The following SPNS2 variants were observed in gnomAD, a reference collection of about 807,000 sequenced individuals.
SPNS2 encodes the protein sphingosine-1-phosphate transporter SPNS2.
SPNS2 carries 37 observed loss-of-function variants against 57.6 expected under a neutral mutation model. The ratio of observed to expected loss-of-function variants is 0.64; its 90% CI spans 0.49 to 0.85. The LOEUF (loss-of-function observed/expected upper bound fraction) is 0.85, where lower values mean the gene tolerates loss of function less well. SPNS2 is among the 40% of genes least tolerant of loss of function. The pLI, the probability that SPNS2 is intolerant of heterozygous loss-of-function variation, is 0.00. For synonymous variants in SPNS2, 440 were observed against 346.9 expected (o/e 1.27, Z -2.98); for missense variants, 831 against 779.1 (o/e 1.07, Z -0.79).
In SPNS2 at chr17:4,538,751, G is replaced by C. The variant is rs946694115; in HGVS notation, c.*1303G>C. 2 of 713,760 alleles carry C rather than the reference G, an allele frequency of 2.8e-6. No individual in the cohort carries two copies. The highest frequency in any genetic ancestry group is 3.6e-5 in the African/African-American group (2 of 55,980). The allele number at this position is 713,760 out of a possible 1,614,324, so 44.2% of individuals were successfully genotyped here. A position where few individuals can be genotyped will look rare whatever the true frequency, so the allele number is the denominator to read the frequency against. Reference sequence around the variant, plus strand: ...GGCTTCAGTGGTGTGTAAGCAGGTGGAATACTCACCCACCAAGCTCTGGGG... The same window carrying C: ...GGCTTCAGTGGTGTGTAAGCAGGTGCAATACTCACCCACCAAGCTCTGGGG... On this transcript the variant is annotated 3_prime_UTR_variant, in exon 13 of 13. Coordinates refer to ENST00000329078, the MANE Select transcript of SPNS2 (RefSeq NM_001124758.3).
chr17:4,506,341 T>C (rs1483243043), intron 1 of SPNS2, among the ~76,000 whole-genome samples: 9 of 152,182 alleles, frequency 5.9e-5, no homozygotes, highest in African/African-American at 2.2e-4. Flanking sequence ...GGCCCCTGCC[T>C]TATCCTGTGT....
intron 2 of SPNS2, among the ~76,000 whole-genome samples, chr17:4,513,991 A>G (rs886713461): frequency 1.3e-5 from 2 of 152,320 alleles, no homozygotes; most frequent in Non-Finnish European, 1.5e-5. Context: ...CACTTATGGC[A>G]GCCCACCAGC....
chr17:4,504,250 C>T (rs1904612427), intron 1 of SPNS2, among the ~76,000 whole-genome samples: 1 of 152,226 alleles, frequency 6.6e-6, no homozygotes, highest in Non-Finnish European at 1.5e-5. Context: ...GGCAGGGCAT[C>T]CAGAGTGTCT....
At chr17:4,505,391 A>G (rs945159424) in intron 1 of SPNS2, among the ~76,000 whole-genome samples, 5 of 152,134 alleles carry the variant, frequency 3.3e-5, no homozygotes, top group African/African-American at 1.2e-4. Flanking sequence ...TTTCTCCGAC[A>G]GTGGCTGGTG....
In SPNS2 at chr17:4,538,621, TGGTGCGGG is replaced by T. The variant is rs1316476761; in HGVS notation, c.*1178_*1185del. On this transcript the variant is annotated 3_prime_UTR_variant, in exon 13 of 13. Coordinates refer to ENST00000329078, the MANE Select transcript of SPNS2 (RefSeq NM_001124758.3). ...ACTTCTGCTGCAATCAAGGTGGTTC[TGGTGCGGG>T]GGTGGGGTGGGGGGTGAGGCCTTGT... The T allele has an allele frequency of 6.4e-6, 3 of 471,690 alleles. No homozygotes were observed. Among genetic ancestry groups the T allele is most frequent in the East Asian group, 4.1e-5 (1 of 24,218 alleles). 29.2% of individuals were successfully genotyped at this position (471,690 alleles called of 1,614,324 possible). A position where few individuals can be genotyped will look rare whatever the true frequency, so the allele number is the denominator to read the frequency against.
Position 4,499,492 on chromosome 17 carries a change from C to A in SPNS2, c.370+75C>A. On this transcript the variant is annotated intron_variant, in intron 1 of 12. Transcript: ENST00000329078. The surrounding 1 kb of genome is among the most constrained non-coding windows in gnomAD (Gnocchi z 5.2). Reference sequence around the variant, plus strand: ...ACCACCCGCCTCGAGGGAGGTACCCCAGAGAGCTTTTGGTCTCAGGCCTGC... The same window carrying A: ...ACCACCCGCCTCGAGGGAGGTACCCAAGAGAGCTTTTGGTCTCAGGCCTGC... 9.5e-7 allele frequency: 1 copy of A among 1,048,262 alleles called. No individual in the cohort carries two copies. Among genetic ancestry groups the A allele is most frequent in the South Asian group, 2.4e-5 (1 of 42,020 alleles). The allele number at this position is 1,048,262 out of a possible 1,614,324, so 64.9% of individuals were successfully genotyped here.
At position 4,512,930 on chromosome 17, in the gene SPNS2, G is replaced by A. The variant is rs1270641440; in HGVS notation, c.371-317G>A. Among the ~76,000 whole-genome samples, 1 of 152,202 alleles carries A rather than the reference G, an allele frequency of 6.6e-6. No homozygotes were observed. The highest frequency in any genetic ancestry group is 2.4e-5 in the African/African-American group (1 of 41,468). ...TGTCTATTGCACTGATCCACGGCCTGGGCCGCAGGTAGGGAAGAGGCCCAA... is the reference window on the plus strand; with the variant it reads ...TGTCTATTGCACTGATCCACGGCCTAGGCCGCAGGTAGGGAAGAGGCCCAA... On this transcript the variant is annotated intron_variant, in intron 1 of 12. Transcript: ENST00000329078. This position sits in a 1 kb window ranked among gnomAD's most constrained non-coding sequence, Gnocchi z 5.2.
intron 3 of SPNS2, 80 bp from the exon 4 acceptor site, chr17:4,530,552 G>T (rs1905417617): frequency 6.6e-7 from 1 of 1,520,252 alleles, no homozygotes; most frequent in African/African-American, 1.4e-5. Flanking sequence ...CCTGCAGGGG[G>T]AGGGAGCAAA....
At chr17:4,502,428 T>C (rs74950944) in intron 1 of SPNS2, among the ~76,000 whole-genome samples, 2,816 of 152,130 alleles carry the variant, frequency 0.019, 149 homozygotes, top group East Asian at 0.14. Flanking sequence ...ATGTTGTTAA[T>C]GGGATATTTT....
chr17:4,533,999 G>A, intron 9 of SPNS2, 146 bp downstream of exon 9: 2 of 797,346 alleles, frequency 2.5e-6, no homozygotes, highest in Admixed American at 4.1e-5. Flanking sequence ...GCAGGGAGGG[G>A]ATCAGAGAGT....
intron 2 of SPNS2, among the ~76,000 whole-genome samples, chr17:4,516,330 A>C (rs9674552): frequency 0.073 from 6,641 of 90,644 alleles, 628 homozygotes; most frequent in African/African-American, 0.2. Context: ...AAAAAAAAAA[A>C]AAAAAAAAAA....
chr17:4,536,477 G>T, intron 11 of SPNS2, 51 bp downstream of exon 11: 2 of 1,563,258 alleles, frequency 1.3e-6, no homozygotes, highest in Non-Finnish European at 1.7e-6. Flanking sequence ...AGCAGGGACC[G>T]TGATAGCCAC....
chr17:4,515,549 G>A (rs1417937607), intron 2 of SPNS2, among the ~76,000 whole-genome samples: 1 of 152,170 alleles, frequency 6.6e-6, no homozygotes, highest in Non-Finnish European at 1.5e-5. Context: ...ACCTACCCCG[G>A]CACAGCTAGG....
At chr17:4,519,538 C>CA (rs1905085627) in intron 2 of SPNS2, among the ~76,000 whole-genome samples, 1 of 152,168 alleles carries the variant, frequency 6.6e-6, no homozygotes. Flanking sequence ...TCCCTGCTGT[C>CA]ACGGCCCTGC....
chr17:4,508,110 G>A (rs1304008411), intron 1 of SPNS2, among the ~76,000 whole-genome samples: 2 of 152,294 alleles, frequency 1.3e-5, no homozygotes, highest in East Asian at 3.9e-4. Flanking sequence ...TGCCCTTGAG[G>A]TTACAGGCAC....
rs935304970 is a variant in SPNS2 at position 4,538,468 on chromosome 17, C to T, written c.*1020C>T. ...GCTGCTGGCATTCCACCAAGTGACC[C>T]CAGGGGGGGGCCAGGCCTTCGATCA... On this transcript the variant is annotated 3_prime_UTR_variant, in exon 13 of 13. Transcript: ENST00000329078. The T allele has an allele frequency of 1.6e-5, 2 of 127,310 alleles. No homozygotes were observed. The highest frequency in any genetic ancestry group is 1.1e-4 in the African/African-American group (2 of 18,536). The allele number at this position is 127,310 out of a possible 1,614,324, so 7.9% of individuals were successfully genotyped here.
chr17:4,502,480 A>G (rs948517566), intron 1 of SPNS2, among the ~76,000 whole-genome samples: 5 of 152,020 alleles, frequency 3.3e-5, no homozygotes, highest in Admixed American at 3.3e-4. Flanking sequence ...CAGTATGTGT[A>G]TTTTCCATTC....
rs114102460 is a variant in SPNS2 at position 4,532,180 on chromosome 17, G to A, written c.793-362G>A. Among the ~76,000 whole-genome samples, 1,259 of 151,300 alleles carry A rather than the reference G, an allele frequency of 8.3e-3. 14 individuals are homozygous for A. The highest frequency in any genetic ancestry group is 0.029 in the African/African-American group (1,201 of 41,116). On this transcript the variant is annotated intron_variant, in intron 5 of 12. Coordinates refer to ENST00000329078, the MANE Select transcript of SPNS2 (RefSeq NM_001124758.3). Reference sequence around the variant, plus strand: ...CGTCTGTCCATCTGTCCATCTATCCGTCCATCCCTCCATCTATCTCTGTCC... The same window carrying A: ...CGTCTGTCCATCTGTCCATCTATCCATCCATCCCTCCATCTATCTCTGTCC...
At chr17:4,509,176 C>T (rs1468858159) in intron 1 of SPNS2, among the ~76,000 whole-genome samples, 2 of 152,144 alleles carry the variant, frequency 1.3e-5, no homozygotes, top group Non-Finnish European at 2.9e-5. Flanking sequence ...AGTCAGGAGG[C>T]TGGGAAACAG....
Sources: gnomAD v4.1 joint callset for allele counts (sites outside exome capture counted in the v4.1 genomes callset) on GRCh38, gnomAD v4.1.1 for gene constraint, Gnocchi (gnomAD v3.1) non-coding constraint, MANE v1.5 for transcripts, NCBI Gene and HGNC (gene_info 2026-07-23, HGNC 2026-07-21) for gene names.